USP54: variants seen among roughly 807,000 people sequenced by gnomAD.
The protein encoded by USP54 is ubiquitin specific peptidase 54.
In USP54, 87 loss-of-function variants were observed where a neutral mutation model predicts 170.5. The observed-to-expected ratio is 0.51, with a 90% confidence interval of 0.43 to 0.61. The LOEUF (loss-of-function observed/expected upper bound fraction) is 0.61. Ranked by LOEUF, USP54 falls within the 20% of genes least tolerant of loss-of-function variation. The pLI is 0.00. For missense variants in USP54, 1,786 were observed against 2,047.8 expected, an observed-to-expected ratio of 0.87 and a Z score of 2.47; for synonymous variants, 655 against 742.8, an observed-to-expected ratio of 0.88 and a Z score of 1.92.
In USP54 at chr10:73,517,350, A is replaced by G. The variant is rs2061228100; in HGVS notation, c.3076T>C (p.Phe1026Leu). The G allele has an allele frequency of 2.5e-6, 4 of 1,612,216 alleles. No individual in the cohort carries two copies. Among genetic ancestry groups the G allele is most frequent in the African/African-American group, 1.3e-5 (1 of 74,788 alleles). Residue 1026 changes from phenylalanine (F) to leucine (L), a missense_variant, in exon 20 of 24, where the codon TTC (phenylalanine) becomes CTC (leucine). Physicochemically the swap from Phe to Leu is conservative, Grantham distance 22 (BLOSUM62 0). Around this residue, in one of 3 missense-constraint regions of USP54, gnomAD observed 1,418 missense variants for 1,569.0 expected, o/e 0.90. Transcript: ENST00000687698. ...TTAGCAGGATCCTTCTTTTCTTGGA[A>G]CAGCTGTTCTTGAGCAATGCCTCTT... The part of the protein sequence containing the change: ...EGRGIAQEQL[F>L]QEKKDPANPS...
intron 4 of USP54, among the ~76,000 whole-genome samples, chr10:73,566,185 G>A (rs1172803853): frequency 1.3e-5 from 2 of 151,038 alleles, no homozygotes; most frequent in Non-Finnish European, 3.0e-5. Flanking sequence ...AGCTGAGATC[G>A]CACCATTGCA....
At chr10:73,501,634 A>G (rs1049147537) in intron 22 of USP54, among the ~76,000 whole-genome samples, 4 of 152,054 alleles carry the variant, frequency 2.6e-5, no homozygotes, top group South Asian at 2.1e-4. Context: ...ACAGCCTTCA[A>G]TCTGCTTTTC....
Position 73,571,431 on chromosome 10 carries a change from C to A in USP54, c.230G>T (p.Cys77Phe). 2 of 1,613,288 alleles carry A rather than the reference C, an allele frequency of 1.2e-6. No individual in the cohort carries two copies. Among genetic ancestry groups the A allele is most frequent in the Non-Finnish European group, 1.7e-6 (2 of 1,179,620 alleles). The change falls in exon 4 of 24, where the codon TGC becomes TTC. Residue 77 changes from cysteine to phenylalanine, a missense_variant. Coordinates refer to ENST00000687698, the MANE Select transcript of USP54 (RefSeq NM_001391956.1). ...HKCMGDSCIF[C>F]ALKGIFNQFQ... ...ATTGGAAGTACTTACCTTGAGAGCG[C>A]AAAAGATGCAGGAATCTCCCATGCA...
intron 1 of USP54, among the ~76,000 whole-genome samples, chr10:73,578,928 T>C (rs1258370666): frequency 6.6e-6 from 1 of 150,930 alleles, no homozygotes; most frequent in African/African-American, 2.5e-5. Flanking sequence ...TAACCTTTGG[T>C]TGGGCAAAGA....
intron 22 of USP54, among the ~76,000 whole-genome samples, chr10:73,502,315 C>CT (rs958934023): frequency 3.1e-4 from 45 of 147,446 alleles, no homozygotes; most frequent in East Asian, 2.4e-3. Flanking sequence ...TTCCTTTCTT[C>CT]TTTTTTTTTT....
intron 1 of USP54, among the ~76,000 whole-genome samples, chr10:73,624,159 C>T (rs1297900149): frequency 1.9e-4 from 13 of 69,864 alleles, no homozygotes; most frequent in Non-Finnish European, 2.4e-4. Flanking sequence ...TTTTAAAAGC[C>T]ATATATATAT....
At chr10:73,511,585 G>A (rs2060221743) in intron 20 of USP54, among the ~76,000 whole-genome samples, 1 of 151,432 alleles carries the variant, frequency 6.6e-6, no homozygotes, top group Non-Finnish European at 1.5e-5. Context: ...GCTTGAACCT[G>A]GGAGACGGAG....
chr10:73,571,735 T>A (rs2075240144), intron 3 of USP54, among the ~76,000 whole-genome samples: 1 of 152,124 alleles, frequency 6.6e-6, no homozygotes, highest in South Asian at 2.1e-4. Flanking sequence ...GAACATAAAG[T>A]GAAGGTAATA....
At chr10:73,528,557 A>G (rs966870391) in intron 15 of USP54, among the ~76,000 whole-genome samples, 3 of 149,844 alleles carry the variant, frequency 2.0e-5, no homozygotes, top group Non-Finnish European at 3.0e-5. Flanking sequence ...CGGCAGGCCT[A>G]GTCCGTTTTT....
chr10:73,517,780 G>T lies in USP54; in HGVS notation c.2679-33C>A, dbSNP rs371380004. ...AAATGGAGAGAGCTAGTCATAAGCTGCCTTGACTGACAGGAACACTTACAG... is the reference window on the plus strand; with the variant it reads ...AAATGGAGAGAGCTAGTCATAAGCTTCCTTGACTGACAGGAACACTTACAG... On this transcript the variant is annotated intron_variant, in intron 19 of 23. Coordinates refer to ENST00000687698, the MANE Select transcript of USP54 (RefSeq NM_001391956.1). 5.3e-5 allele frequency: 84 copies of T among 1,570,254 alleles called. No individual in the cohort carries two copies. The African/African-American group carries it at 1.1e-3, about 20-fold the overall frequency.
rs540410544 is a variant in USP54, at chr10:73,502,504, G to A, written c.4312-1666C>T. Among the ~76,000 whole-genome samples, 4 of 151,712 alleles carry A rather than the reference G, an allele frequency of 2.6e-5. No homozygotes were observed. The East Asian group carries it at 5.8e-4, about 22-fold the overall frequency. Reference sequence around the variant, plus strand: ...ATTTTTTTGTATTTTTAGTAGAGACGGCATTTCACTGTGTTAGCCAGGATG... The same window carrying A: ...ATTTTTTTGTATTTTTAGTAGAGACAGCATTTCACTGTGTTAGCCAGGATG... On this transcript the variant is annotated intron_variant, in intron 22 of 23. Transcript: ENST00000687698.
intron 19 of USP54, chr10:73,519,140 C>CA (rs769300590): frequency 0.015 from 970 of 66,670 alleles, 4 homozygotes; most frequent in South Asian, 0.029. Context: ...ATCCTGTCTC[C>CA]AAAAAAAAAA....
intron 4 of USP54, among the ~76,000 whole-genome samples, chr10:73,546,330 G>T (rs375535390): frequency 1.6e-3 from 250 of 152,090 alleles, no homozygotes; most frequent in African/African-American, 5.7e-3. Context: ...ATATTTGTGG[G>T]TTTTTTGTTT....
At chr10:73,539,650 T>C in intron 9 of USP54, 57 bp from the exon 10 acceptor site, 1 of 1,505,836 alleles carries the variant, frequency 6.6e-7, no homozygotes. Flanking sequence ...TTCCACATCA[T>C]CTCTCAGCAG....
At chr10:73,519,583 T>C in intron 19 of USP54, 3 of 680,142 alleles carry the variant, frequency 4.4e-6, no homozygotes, top group Non-Finnish European at 7.1e-6. Flanking sequence ...AATGGTCTTA[T>C]TATGCTGTAC....
At chr10:73,539,154 A>G (rs956036570) in intron 10 of USP54, among the ~76,000 whole-genome samples, 3 of 151,134 alleles carry the variant, frequency 2.0e-5, no homozygotes, top group Non-Finnish European at 4.4e-5. Context: ...TAGCATGCGC[A>G]TGTACTCCCA....
chr10:73,499,116 G>GT lies in USP54; in HGVS notation c.4567dup (p.Thr1523AsnfsTer67). 6.2e-7 allele frequency: 1 copy of GT among 1,614,102 alleles called. No individual in the cohort carries two copies. Among genetic ancestry groups the GT allele is most frequent in the Non-Finnish European group, 8.5e-7 (1 of 1,179,992 alleles). On this transcript the variant is annotated frameshift_variant, in exon 24 of 24. Transcript: ENST00000687698. LOFTEE classifies it high-confidence loss of function. ...GCTCTGGTAGTTCAAAGTCCTTCCT[G>GT]TGTACTTGGCCCCTTGGGAAGTTTC... is the stretch of plus-strand genomic sequence containing the variant.
At chr10:73,593,954 C>G (rs749851964), upstream of USP54, among the ~76,000 whole-genome samples, 8 of 152,112 alleles carry the variant, frequency 5.3e-5, no homozygotes, top group Non-Finnish European at 1.2e-4. Context: ...TCTGGAGTAA[C>G]CCCAAAGTCA....
intron 4 of USP54, among the ~76,000 whole-genome samples, chr10:73,566,264 A>G (rs973148056): frequency 2.6e-5 from 4 of 152,112 alleles, no homozygotes; most frequent in African/African-American, 9.7e-5. Context: ...CCATACAGTA[A>G]TGAAAATGAA....
Sources: allele counts gnomAD v4.1 joint callset (sites outside exome capture counted in the v4.1 genomes callset), GRCh38; gene constraint gnomAD v4.1.1; regional missense constraint gnomAD v4.1.1; transcripts MANE v1.5; gene names NCBI Gene and HGNC (gene_info 2026-07-23, HGNC 2026-07-21).